Variants in TRPC7 observed in about 807,000 individuals in gnomAD.
TRPC7 encodes short transient receptor potential channel 7.
A neutral mutation model predicts 90.1 loss-of-function variants in TRPC7; 42 were observed. The ratio of observed to expected loss-of-function variants is 0.47; its 90% CI spans 0.36 to 0.60. The LOEUF (loss-of-function observed/expected upper bound fraction) is 0.60, where lower values mean the gene tolerates loss of function less well. Ranked by LOEUF, TRPC7 falls within the 20% of genes least tolerant of loss-of-function variation. The pLI is 0.00. For synonymous variants in TRPC7, 451 were observed against 436.3 expected, an observed-to-expected ratio of 1.03 and a Z score of -0.42; for missense variants, 955 against 1,112.3, an observed-to-expected ratio of 0.86 and a Z score of 2.01.
At chr5:136,274,946 T>C in intron 3 of TRPC7, 109 bp from the exon 4 acceptor site, 1 of 1,290,304 alleles carries the variant, frequency 7.8e-7, no homozygotes, top group Non-Finnish European at 1.0e-6. Flanking sequence ...ATGCTCCACC[T>C]GGGGGGTGGT....
chr5:136,304,942 C>G (rs1402895418), intron 3 of TRPC7, among the ~76,000 whole-genome samples: 1 of 152,232 alleles, frequency 6.6e-6, no homozygotes. Flanking sequence ...TTAGCCTAGC[C>G]CTCATGTCTG....
chr5:136,354,903 A>G lies in TRPC7; in HGVS notation c.780+1705T>C, dbSNP rs1580990080. On this transcript the variant is annotated intron_variant, in intron 2 of 11. Transcript: ENST00000513104. Reference sequence around the variant, plus strand: ...CCTACTCTCTCTTCGTAATGACCCAACCACTCCTACTCATTAAGGCCCAAC... The same window carrying G: ...CCTACTCTCTCTTCGTAATGACCCAGCCACTCCTACTCATTAAGGCCCAAC... 2.6e-5 allele frequency among the ~76,000 whole-genome samples: 4 copies of G among 152,226 alleles called. No individual in the cohort carries two copies. The South Asian group carries it at 8.3e-4, about 32-fold the overall frequency.
At chr5:136,359,299 A>G (rs3756699) in intron 1 of TRPC7, among the ~76,000 whole-genome samples, 16,729 of 152,256 alleles carry the variant, frequency 0.11, 1,178 homozygotes, top group Non-Finnish European at 0.16. Context: ...AAAAGCTCCT[A>G]AATTATATAT....
At chr5:136,320,027 T>C (rs1210881870) in intron 2 of TRPC7, among the ~76,000 whole-genome samples, 1 of 152,152 alleles carries the variant, frequency 6.6e-6, no homozygotes, top group East Asian at 1.9e-4. Flanking sequence ...CCCACCTTTC[T>C]TCTCCGTATC....
rs913504824 is a variant in TRPC7, at chr5:136,212,766, T to A, written c.*669A>T. On this transcript the variant is annotated 3_prime_UTR_variant, in exon 12 of 12. Coordinates refer to ENST00000513104, the MANE Select transcript of TRPC7 (RefSeq NM_020389.3). ...GAAGTTATTATGAGGTAATTTTATT[T>A]CTTTCCATTTTAGGTAAAAATAGTA... Among the ~76,000 whole-genome samples the A allele has an allele frequency of 6.6e-6, 1 of 152,244 alleles. No individual in the cohort carries two copies. Among genetic ancestry groups the A allele is most frequent in the African/African-American group, 2.4e-5 (1 of 41,462 alleles).
chr5:136,241,348 A>G (rs78764466), intron 7 of TRPC7, among the ~76,000 whole-genome samples: 5,742 of 152,328 alleles, frequency 0.038, 164 homozygotes, highest in Middle Eastern at 0.058. Context: ...ATCTTTTGAG[A>G]AACAGAACAC....
At chr5:136,332,495 G>A (rs1427802947) in intron 2 of TRPC7, among the ~76,000 whole-genome samples, 1 of 152,162 alleles carries the variant, frequency 6.6e-6, no homozygotes, top group African/African-American at 2.4e-5. Context: ...TAAGGGGCAA[G>A]AGCAAAAGCA....
In TRPC7 at chr5:136,281,166, T is replaced by G. The variant is rs1369316546; in HGVS notation, c.964-6329A>C. 3.3e-5 allele frequency among the ~76,000 whole-genome samples: 5 copies of G among 152,320 alleles called. No individual in the cohort carries two copies. In the East Asian group the frequency reaches 9.6e-4, roughly 29 times the overall value. On this transcript the variant is annotated intron_variant, in intron 3 of 11. Transcript: ENST00000513104. ...CTAGAACTCTTATCTCTCTCTGCCCTTCTGCCTATTCATCAGCCAAGTCTC... is the reference window on the plus strand; with the variant it reads ...CTAGAACTCTTATCTCTCTCTGCCCGTCTGCCTATTCATCAGCCAAGTCTC...
Position 136,299,403 on chromosome 5 carries a change from G to A in TRPC7, c.963+16194C>T, listed in dbSNP as rs13183294. On this transcript the variant is annotated intron_variant, in intron 3 of 11. Transcript: ENST00000513104. The stretch of plus-strand genomic sequence containing the variant: ...TGGTGGAGGAGGAGGAGGGGAAAAG[G>A]AGAGGAAAGAGGTAGGTAGACCAGT... 3.7e-3 allele frequency among the ~76,000 whole-genome samples: 557 copies of A among 150,012 alleles called. 6 individuals carry two copies. The highest frequency in any genetic ancestry group is 0.013 in the African/African-American group (523 of 41,046).
At chr5:136,236,341 A>G (rs1755981248) in intron 7 of TRPC7, among the ~76,000 whole-genome samples, 1 of 152,232 alleles carries the variant, frequency 6.6e-6, no homozygotes, top group Non-Finnish European at 1.5e-5. Context: ...TCAATAATTC[A>G]GCTGCTTGTT....
At chr5:136,340,839 A>G (rs1399314492) in intron 2 of TRPC7, among the ~76,000 whole-genome samples, 1 of 152,210 alleles carries the variant, frequency 6.6e-6, no homozygotes, top group East Asian at 1.9e-4. Flanking sequence ...AAGACAATTC[A>G]CAGAAAAAGA....
At chr5:136,264,315 T>C (rs1331955918) in intron 5 of TRPC7, among the ~76,000 whole-genome samples, 2 of 152,228 alleles carry the variant, frequency 1.3e-5, no homozygotes, top group Non-Finnish European at 2.9e-5. Flanking sequence ...GTCTTCTACC[T>C]GGGGTCCAAG....
intron 5 of TRPC7, among the ~76,000 whole-genome samples, chr5:136,262,009 A>G (rs1308306339): frequency 6.6e-6 from 1 of 152,152 alleles, no homozygotes; most frequent in African/African-American, 2.4e-5. Flanking sequence ...ATTGTTCTTG[A>G]CTGCTCTCTT....
intron 5 of TRPC7, among the ~76,000 whole-genome samples, chr5:136,253,335 C>G (rs962043625): frequency 6.6e-6 from 1 of 152,116 alleles, no homozygotes; most frequent in Non-Finnish European, 1.5e-5. Flanking sequence ...AAATTACCGG[C>G]ATACCTTGTT....
At chr5:136,360,769 A>G (rs1010593624) in intron 1 of TRPC7, among the ~76,000 whole-genome samples, 1 of 152,170 alleles carries the variant, frequency 6.6e-6, no homozygotes, top group East Asian at 1.9e-4. Context: ...ATTGCTTCCA[A>G]TGCGAGGGGC....
intron 3 of TRPC7, among the ~76,000 whole-genome samples, chr5:136,285,491 A>G (rs1757684064): frequency 1.3e-5 from 2 of 152,344 alleles, no homozygotes; most frequent in East Asian, 3.9e-4. Context: ...GACTAATGTA[A>G]TTATGATTGA....
chr5:136,244,533 G>A (rs1756275483), intron 7 of TRPC7, among the ~76,000 whole-genome samples: 1 of 152,202 alleles, frequency 6.6e-6, no homozygotes, highest in African/African-American at 2.4e-5. Context: ...CCTTTCTCCT[G>A]TTTATTCCCT....
intron 3 of TRPC7, among the ~76,000 whole-genome samples, chr5:136,283,193 G>C (rs531390420): frequency 6.6e-6 from 1 of 152,354 alleles, no homozygotes; most frequent in Admixed American, 6.5e-5. Context: ...TGTGCCAGCG[G>C]GGCCCACATG....
chr5:136,332,447 T>C (rs182111255), intron 2 of TRPC7, among the ~76,000 whole-genome samples: 142 of 152,056 alleles, frequency 9.3e-4, no homozygotes, highest in Middle Eastern at 3.4e-3. Context: ...ATTTATGCTG[T>C]AAGAGGATCC....
Sources: gnomAD v4.1 joint callset for allele counts (sites outside exome capture counted in the v4.1 genomes callset) on GRCh38, gnomAD v4.1.1 for gene constraint, MANE v1.5 for transcripts, NCBI Gene and HGNC (gene_info 2026-07-23, HGNC 2026-07-21) for gene names.